Variants in FANCB observed in about 807,000 individuals in gnomAD.
FANCB encodes the protein Fanconi anemia group B protein.
Under a neutral mutation model 38.9 loss-of-function variants are expected in FANCB, and 5 were observed. That is an observed-to-expected ratio of 0.13 (90% CI 0.07 to 0.27). FANCB has a LOEUF of 0.27. FANCB is among the 10% of genes least tolerant of loss of function. The pLI is 1.00. For synonymous variants in FANCB, 236 were observed against 215.4 expected, an observed-to-expected ratio of 1.10 and a Z score of -0.84; for missense variants, 573 against 602.7, an observed-to-expected ratio of 0.95 and a Z score of 0.52.
chrX:14,837,287 G>A (rs753507846), intron 10 of FANCB, among the ~76,000 whole-genome samples: 4 of 112,170 alleles, frequency 3.6e-5, no homozygotes, highest in Non-Finnish European at 5.6e-5. Flanking sequence ...CAACTGCAGC[G>A]ATCACCAGCC....
chrX:14,782,773 C>T, the FANCB span, among the ~76,000 whole-genome samples: 1 of 111,920 alleles, frequency 8.9e-6, no homozygotes, highest in Non-Finnish European at 1.9e-5. Context: ...GCACATGCTT[C>T]TCAGACATTA....
chrX:14,756,849 C>T, the FANCB span, among the ~76,000 whole-genome samples: 1 of 111,795 alleles, frequency 8.9e-6, no homozygotes, highest in Non-Finnish European at 1.9e-5. Context: ...TAATGACGGT[C>T]TCAAGTAGTG....
chrX:14,806,266 A>G, the FANCB span, among the ~76,000 whole-genome samples: 1 of 112,002 alleles, frequency 8.9e-6, no homozygotes, highest in Admixed American at 9.5e-5. Flanking sequence ...GAAGAGAGAC[A>G]TGCATTGAGA....
At chrX:14,718,668 A>T in the FANCB span, among the ~76,000 whole-genome samples, 2 of 110,951 alleles carry the variant, frequency 1.8e-5, no homozygotes, top group African/African-American at 6.6e-5. Flanking sequence ...GGCTAGGAAA[A>T]CTCTAAGACT....
Position 14,864,864 on chromosome X carries a change from G to C in FANCB, c.647C>G (p.Ser216Cys). The C allele has an allele frequency of 1.2e-5, 15 of 1,209,166 alleles. No individual in the cohort carries two copies. The highest frequency in any genetic ancestry group is 1.7e-5 in the Non-Finnish European group (15 of 893,040). ...ACTTAATACTTCTTGACTTTCAAGA[G>C]AATATACACAAAATTTGGTATTCCA... ...AIWNTKFCVY[S>C]LESQEVLSDI... is the part of the protein sequence containing the mutation. The change falls in exon 3 of 10, where the codon TCT becomes TGT. Residue 216 changes from serine (S) to cysteine (C), a missense_variant. Physicochemically the swap from Ser to Cys is moderately radical, Grantham distance 112. Transcript: ENST00000650831.
chrX:14,795,209 A>G, the FANCB span, among the ~76,000 whole-genome samples: 7 of 112,389 alleles, frequency 6.2e-5, no homozygotes, highest in African/African-American at 1.9e-4. Context: ...CTCTGGAGAA[A>G]AGGCTTTAAT....
chrX:14,871,589 T>C (rs949998809), intron 1 of FANCB, among the ~76,000 whole-genome samples: 1 of 107,124 alleles, frequency 9.3e-6, no homozygotes, highest in Non-Finnish European at 1.9e-5. Flanking sequence ...AAACAAGAGT[T>C]AAAAGGAATG....
chrX:14,796,371 TACACAC>T, the FANCB span, among the ~76,000 whole-genome samples: 2 of 98,834 alleles, frequency 2.0e-5, no homozygotes, highest in African/African-American at 7.2e-5. Flanking sequence ...TGTGTATGTA[TACACAC>T]ACACACACAC....
the FANCB span, among the ~76,000 whole-genome samples, chrX:14,777,036 C>G: frequency 1.8e-5 from 2 of 112,020 alleles, no homozygotes; most frequent in African/African-American, 3.3e-5. Flanking sequence ...TAGAGGGGAA[C>G]AGTGGGGCAA....
the FANCB span, among the ~76,000 whole-genome samples, chrX:14,762,409 A>C: frequency 9.0e-6 from 1 of 110,917 alleles, no homozygotes; most frequent in East Asian, 2.8e-4. Context: ...GGCCTCCCAC[A>C]GTGTTGAGAT....
intron 4 of FANCB, 90 bp downstream of exon 4, chrX:14,859,092 C>T: frequency 1.8e-6 from 1 of 549,561 alleles, no homozygotes; most frequent in Non-Finnish European, 3.0e-6. Context: ...ATAAAACCAC[C>T]AATATTTAAA....
At chrX:14,815,614 C>G in the FANCB span, among the ~76,000 whole-genome samples, 1 of 111,908 alleles carries the variant, frequency 8.9e-6, no homozygotes, top group Non-Finnish European at 1.9e-5. Context: ...ATGGAGATTT[C>G]TCAAACAACT....
the FANCB span, among the ~76,000 whole-genome samples, chrX:14,694,603 G>A: frequency 8.9e-6 from 1 of 111,958 alleles, no homozygotes; most frequent in South Asian, 3.7e-4. Flanking sequence ...ACTATAGGTG[G>A]AAATGTTGAT....
the FANCB span, among the ~76,000 whole-genome samples, chrX:14,734,550 C>A: frequency 1.8e-5 from 2 of 111,642 alleles, no homozygotes; most frequent in Non-Finnish European, 3.8e-5. Context: ...GAATATTGGC[C>A]CCCACTCTCT....
the FANCB span, among the ~76,000 whole-genome samples, chrX:14,753,441 C>T: frequency 8.9e-6 from 1 of 112,242 alleles, no homozygotes; most frequent in Non-Finnish European, 1.9e-5. Context: ...ATAAACCATC[C>T]CAAAAGTCTG....
At chrX:14,820,760 TA>T in the FANCB span, among the ~76,000 whole-genome samples, 9 of 110,970 alleles carry the variant, frequency 8.1e-5, no homozygotes, top group Admixed American at 2.9e-4. Flanking sequence ...CAGATCTTTA[TA>T]AAAAAAATTG....
the FANCB span, among the ~76,000 whole-genome samples, chrX:14,722,791 C>A: frequency 5.0e-3 from 558 of 111,580 alleles, 3 homozygotes; most frequent in Admixed American, 9.1e-3. Context: ...GGGGATCCCA[C>A]CAGCTGACCT....
chrX:14,691,787 G>C, the FANCB span, among the ~76,000 whole-genome samples: 1 of 111,825 alleles, frequency 8.9e-6, no homozygotes, highest in Non-Finnish European at 1.9e-5. Context: ...CTCTGGGAGA[G>C]AAACATACCC....
the FANCB span, among the ~76,000 whole-genome samples, chrX:14,763,944 C>G: frequency 9.0e-6 from 1 of 111,419 alleles, no homozygotes; most frequent in South Asian, 3.8e-4. Context: ...AGGGGGCATG[C>G]GAAGGGAGTA....
Sources: gnomAD v4.1 joint callset for allele counts (sites outside exome capture counted in the v4.1 genomes callset) on GRCh38, gnomAD v4.1.1 for gene constraint, MANE v1.5 for transcripts, NCBI Gene and HGNC (gene_info 2026-07-23, HGNC 2026-07-21) for gene names.